The following KPNA1 variants were observed in gnomAD, a reference collection of about 807,000 sequenced individuals.
KPNA1 encodes importin subunit alpha-5.
A neutral mutation model predicts 70.5 loss-of-function variants in KPNA1; 10 were observed. That is an observed-to-expected ratio of 0.14 (90% CI 0.09 to 0.24). The LOEUF is 0.24. KPNA1 is among the 10% of genes least tolerant of loss of function. The pLI, the probability that KPNA1 is intolerant of heterozygous loss-of-function variation, is 1.00. For synonymous variants in KPNA1, 192 were observed against 221.9 expected (o/e 0.87, Z 1.20); for missense variants, 397 against 637.9 (o/e 0.62, Z 4.07).
rs115370139 is a variant in KPNA1, at chr3:122,494,221, T to C, written c.129+2216A>G. Among the ~76,000 whole-genome samples, 1,012 of 152,308 alleles carry C rather than the reference T, an allele frequency of 6.6e-3. 5 individuals are homozygous for C. The highest frequency in any genetic ancestry group is 0.023 in the African/African-American group (969 of 41,578). ...CTCATAAATTCTTTGCTTAGACCAA[T>C]GTCCAGAAGAGTTTTTCCCAGGTTT... On this transcript the variant is annotated intron_variant, in intron 2 of 13. Coordinates refer to ENST00000344337, the MANE Select transcript of KPNA1 (RefSeq NM_002264.4).
intron 2 of KPNA1, among the ~76,000 whole-genome samples, chr3:122,479,242 G>A (rs1560044077): frequency 6.6e-6 from 1 of 152,172 alleles, no homozygotes; most frequent in Admixed American, 6.5e-5. Flanking sequence ...AAGATATACA[G>A]ATGGCAAACA....
At chr3:122,446,761 T>C (rs2076144463) in intron 9 of KPNA1, among the ~76,000 whole-genome samples, 1 of 151,900 alleles carries the variant, frequency 6.6e-6, no homozygotes, top group African/African-American at 2.4e-5. Flanking sequence ...ATCAACAAAA[T>C]TGATAGACCG....
intron 9 of KPNA1, among the ~76,000 whole-genome samples, chr3:122,443,510 G>A (rs2076093533): frequency 1.3e-5 from 2 of 152,188 alleles, no homozygotes; most frequent in South Asian, 4.1e-4. Flanking sequence ...CCTCAAGTGG[G>A]TCCCTGAACC....
intron 1 of KPNA1, 82 bp from the exon 2 acceptor site, chr3:122,496,652 A>G: frequency 8.2e-7 from 1 of 1,219,430 alleles, no homozygotes; most frequent in Admixed American, 2.1e-5. Flanking sequence ...TTAAACATAT[A>G]CATGCCCAGA....
chr3:122,486,983 C>T (rs1349721051), intron 2 of KPNA1, among the ~76,000 whole-genome samples: 1 of 152,188 alleles, frequency 6.6e-6, no homozygotes, highest in Non-Finnish European at 1.5e-5. Flanking sequence ...TTTCTCTGTC[C>T]TGTGTGAACT....
intron 9 of KPNA1, among the ~76,000 whole-genome samples, chr3:122,447,872 C>CA (rs2076157395): frequency 6.6e-6 from 1 of 151,644 alleles, no homozygotes; most frequent in Admixed American, 6.6e-5. Context: ...ATTCCTATGA[C>CA]AAAGGGCTAA....
intron 10 of KPNA1, among the ~76,000 whole-genome samples, chr3:122,441,304 G>A (rs925002257): frequency 6.6e-6 from 1 of 152,176 alleles, no homozygotes; most frequent in Non-Finnish European, 1.5e-5. Context: ...TGATACAGAA[G>A]TTGAATAGAG....
intron 2 of KPNA1, among the ~76,000 whole-genome samples, chr3:122,490,143 G>C (rs1329121832): frequency 6.6e-6 from 1 of 152,246 alleles, no homozygotes; most frequent in Non-Finnish European, 1.5e-5. Flanking sequence ...GAATATCTGA[G>C]GAAAGCCTTT....
intron 2 of KPNA1, among the ~76,000 whole-genome samples, chr3:122,486,522 G>A (rs1272459825): frequency 6.6e-6 from 1 of 152,094 alleles, no homozygotes; most frequent in East Asian, 1.9e-4. Flanking sequence ...TATGGTGATG[G>A]TTTTCACAGA....
At chr3:122,502,488 C>T (rs966361922) in intron 1 of KPNA1, among the ~76,000 whole-genome samples, 3 of 152,138 alleles carry the variant, frequency 2.0e-5, no homozygotes, top group Non-Finnish European at 4.4e-5. Context: ...AAAAGAGTGC[C>T]CAGAAATCAA....
intron 1 of KPNA1, among the ~76,000 whole-genome samples, chr3:122,503,691 T>C (rs558262264): frequency 5.3e-5 from 8 of 152,352 alleles, no homozygotes; most frequent in African/African-American, 1.9e-4. Flanking sequence ...GAAATGGTCA[T>C]TATTTTTTCT....
intron 2 of KPNA1, among the ~76,000 whole-genome samples, chr3:122,485,685 T>A (rs1432539844): frequency 6.6e-6 from 1 of 151,798 alleles, no homozygotes; most frequent in Non-Finnish European, 1.5e-5. Context: ...ACACAGCAAA[T>A]AAGCCGATGA....
At chr3:122,476,431 A>G (rs2076498211) in intron 2 of KPNA1, among the ~76,000 whole-genome samples, 1 of 152,230 alleles carries the variant, frequency 6.6e-6, no homozygotes, top group South Asian at 2.1e-4. Flanking sequence ...ATGGGGTTAC[A>G]ACAAACTTTT....
At chr3:122,459,527 A>AT in intron 5 of KPNA1, 1 of 985,362 alleles carries the variant, frequency 1.0e-6, no homozygotes. Flanking sequence ...TGCTTAGGGG[A>AT]TCAGGCTCTG....
At chr3:122,492,468 A>C (rs1463426478) in intron 2 of KPNA1, among the ~76,000 whole-genome samples, 7 of 149,802 alleles carry the variant, frequency 4.7e-5, no homozygotes, top group Non-Finnish European at 1.0e-4. Context: ...CATTTGAAAA[A>C]GGAAATAAAA....
At chr3:122,473,649 A>C (rs1177465165) in intron 2 of KPNA1, among the ~76,000 whole-genome samples, 5 of 152,228 alleles carry the variant, frequency 3.3e-5, no homozygotes, top group East Asian at 3.8e-4. Flanking sequence ...GATGCAGAAG[A>C]AGCATATGAA....
At chr3:122,460,555 T>C (rs1296642175) in intron 5 of KPNA1, 1 of 215,568 alleles carries the variant, frequency 4.6e-6, no homozygotes, top group East Asian at 1.9e-4. Context: ...GAGAATCACT[T>C]GAATCTGGGA....
intron 9 of KPNA1, among the ~76,000 whole-genome samples, chr3:122,448,805 T>C (rs567667932): frequency 6.6e-6 from 1 of 151,816 alleles, no homozygotes; most frequent in South Asian, 2.1e-4. Context: ...GACTAAAGAA[T>C]ACAAAGGATT....
intron 2 of KPNA1, among the ~76,000 whole-genome samples, chr3:122,477,887 C>T (rs966760059): frequency 6.7e-6 from 1 of 150,128 alleles, no homozygotes; most frequent in Non-Finnish European, 1.5e-5. Flanking sequence ...GTCCAGGCTG[C>T]GTGCAATGGC....
Sources: allele counts gnomAD v4.1 joint callset (sites outside exome capture counted in the v4.1 genomes callset), GRCh38; gene constraint gnomAD v4.1.1; transcripts MANE v1.5; gene names NCBI Gene and HGNC (gene_info 2026-07-23, HGNC 2026-07-21).